The following SLIT2 variants were observed in gnomAD, a reference collection of about 807,000 sequenced individuals.
The protein encoded by SLIT2 is slit homolog 2 protein.
SLIT2 carries 41 observed loss-of-function variants against 185.7 expected under a neutral mutation model. The observed-to-expected ratio is 0.22, with a 90% CI of 0.17 to 0.29. The LOEUF (loss-of-function observed/expected upper bound fraction) is 0.29, where lower values mean the gene tolerates loss of function less well. Ranked by LOEUF, SLIT2 falls within the 10% of genes least tolerant of loss-of-function variation. The pLI, the probability that SLIT2 is intolerant of heterozygous loss-of-function variation, is 1.00. For synonymous variants in SLIT2, 693 were observed against 680.2 expected, an observed-to-expected ratio of 1.02 and a Z score of -0.29; for missense variants, 1,571 against 1,909.0, an observed-to-expected ratio of 0.82 and a Z score of 3.30.
chr4:20,604,838 A>AT (rs780230047), intron 33 of SLIT2, among the ~76,000 whole-genome samples: 15,247 of 141,778 alleles, frequency 0.11, 865 homozygotes, highest in Admixed American at 0.15. Flanking sequence ...AGATACTTTA[A>AT]TTTTTTTTTT....
intron 33 of SLIT2, among the ~76,000 whole-genome samples, chr4:20,605,079 C>A (rs1728683149): frequency 6.6e-6 from 1 of 152,000 alleles, no homozygotes; most frequent in Admixed American, 6.6e-5. Context: ...CGAGATCCAC[C>A]CACCTTGGCC....
At chr4:20,569,440 A>G (rs1725376544) in intron 29 of SLIT2, among the ~76,000 whole-genome samples, 1 of 151,950 alleles carries the variant, frequency 6.6e-6, no homozygotes, top group African/African-American at 2.4e-5. Flanking sequence ...GCCTCTAGTA[A>G]CCCATGTCCC....
chr4:20,579,644 CA>C (rs1319975233), intron 29 of SLIT2, among the ~76,000 whole-genome samples: 3 of 151,702 alleles, frequency 2.0e-5, no homozygotes, highest in Admixed American at 1.3e-4. Context: ...AAATTTCTCC[CA>C]AGATGTGTAA....
At chr4:20,571,320 C>A (rs896744809) in intron 29 of SLIT2, among the ~76,000 whole-genome samples, 1 of 152,002 alleles carries the variant, frequency 6.6e-6, no homozygotes, top group African/African-American at 2.4e-5. Context: ...AAGTGCATGG[C>A]GTACAGAACA....
rs188483291 is a variant in SLIT2 at position 20,341,564 on chromosome 4, C to T, written c.395+72683C>T. ...AGGAGTGAGTGGAGAAATCCATCTGCGAGTTAATCTAGTGGAACACCACTG... is the reference window on the plus strand; with the variant it reads ...AGGAGTGAGTGGAGAAATCCATCTGTGAGTTAATCTAGTGGAACACCACTG... On this transcript the variant is annotated intron_variant, in intron 4 of 36. Coordinates refer to ENST00000504154, the MANE Select transcript of SLIT2 (RefSeq NM_004787.4). Among the ~76,000 whole-genome samples the T allele has an allele frequency of 3.3e-5, 5 of 152,244 alleles. No homozygotes were observed. The East Asian group carries it at 9.6e-4, about 29-fold the overall frequency.
chr4:20,542,262 A>G (rs185779908), intron 20 of SLIT2, among the ~76,000 whole-genome samples: 1 of 152,326 alleles, frequency 6.6e-6, no homozygotes, highest in East Asian at 1.9e-4. Flanking sequence ...TGGTAATTGT[A>G]ATTACAGTTT....
intron 4 of SLIT2, among the ~76,000 whole-genome samples, chr4:20,305,431 G>A (rs1201912727): frequency 6.6e-6 from 1 of 152,082 alleles, no homozygotes; most frequent in Non-Finnish European, 1.5e-5. Context: ...TTAAATTTAA[G>A]CTAATTTATA....
chr4:20,308,681 A>G (rs1421645202), intron 4 of SLIT2, among the ~76,000 whole-genome samples: 1 of 152,168 alleles, frequency 6.6e-6, no homozygotes, highest in African/African-American at 2.4e-5. Context: ...GTATTTAGTA[A>G]ACAGAGGCTT....
chr4:20,314,370 A>G (rs1338979100), intron 4 of SLIT2, among the ~76,000 whole-genome samples: 1 of 152,200 alleles, frequency 6.6e-6, no homozygotes, highest in Non-Finnish European at 1.5e-5. Flanking sequence ...AGGTTTATGT[A>G]TATATACACA....
At chr4:20,542,169 G>A (rs16869740) in intron 20 of SLIT2, among the ~76,000 whole-genome samples, 27,617 of 151,928 alleles carry the variant, frequency 0.18, 2,920 homozygotes, top group African/African-American at 0.29. Flanking sequence ...ATCTGTTTCC[G>A]TGCCGTTTCT....
chr4:20,253,614 G>C lies in SLIT2; in HGVS notation c.-202G>C, dbSNP rs1417113038. The C allele has an allele frequency of 1.6e-6, 1 of 616,902 alleles. No homozygotes were observed. Among genetic ancestry groups the C allele is most frequent in the South Asian group, 2.0e-5 (1 of 50,426 alleles). 38.2% of individuals were successfully genotyped at this position (616,902 alleles called of 1,614,324 possible). On this transcript the variant is annotated 5_prime_UTR_variant, in exon 1 of 37. Transcript: ENST00000504154. The stretch of plus-strand genomic sequence containing the variant: ...TGCCCAAGGAGCTCCTGCTCTGCCA[G>C]AGGAGGGTGGAGAGGGCGGTGGGAG...
chr4:20,446,300 T>C (rs975127498), intron 4 of SLIT2, among the ~76,000 whole-genome samples: 3 of 152,202 alleles, frequency 2.0e-5, no homozygotes, highest in African/African-American at 7.2e-5. Context: ...TATCTCTACT[T>C]TGCGGTAAGG....
intron 33 of SLIT2, among the ~76,000 whole-genome samples, chr4:20,601,139 A>G (rs1728382556): frequency 6.6e-6 from 1 of 152,192 alleles, no homozygotes; most frequent in Non-Finnish European, 1.5e-5. Flanking sequence ...TTTTATATCC[A>G]TTTGATTTTT....
At chr4:20,504,896 G>A (rs1032675090) in intron 9 of SLIT2, among the ~76,000 whole-genome samples, 10 of 151,884 alleles carry the variant, frequency 6.6e-5, no homozygotes, top group African/African-American at 2.2e-4. Context: ...AATAATTGTT[G>A]TATTTTATTA....
chr4:20,527,867 G>T (rs189819393), intron 15 of SLIT2, among the ~76,000 whole-genome samples: 1 of 152,080 alleles, frequency 6.6e-6, no homozygotes, highest in East Asian at 1.9e-4. Context: ...CATTTTGGCT[G>T]TAAGTAAAAG....
At chr4:20,471,147 T>C (rs896831340) in intron 5 of SLIT2, among the ~76,000 whole-genome samples, 1 of 152,146 alleles carries the variant, frequency 6.6e-6, no homozygotes, top group Non-Finnish European at 1.5e-5. Flanking sequence ...ATAGGTTTAT[T>C]TTATGAATTA....
At chr4:20,455,692 G>C (rs1005613944) in intron 4 of SLIT2, among the ~76,000 whole-genome samples, 2 of 151,956 alleles carry the variant, frequency 1.3e-5, no homozygotes, top group African/African-American at 2.4e-5. Context: ...TTTTGGGGGG[G>C]TAATGAAAAT....
At chr4:20,368,232 AAAG>A (rs1723283335) in intron 4 of SLIT2, among the ~76,000 whole-genome samples, 2 of 150,796 alleles carry the variant, frequency 1.3e-5, no homozygotes, top group African/African-American at 2.4e-5. Flanking sequence ...AAAAAAAAAA[AAAG>A]AAAAAAAAGA....
chr4:20,496,723 A>G (rs921977763), intron 9 of SLIT2, among the ~76,000 whole-genome samples: 1 of 152,212 alleles, frequency 6.6e-6, no homozygotes, highest in East Asian at 1.9e-4. Context: ...ATCACTACTG[A>G]TGACCCAGCA....
Sources: allele counts gnomAD v4.1 joint callset (sites outside exome capture counted in the v4.1 genomes callset), GRCh38; gene constraint gnomAD v4.1.1; transcripts MANE v1.5; gene names NCBI Gene and HGNC (gene_info 2026-07-23, HGNC 2026-07-21).